Variants in NREP observed in about 807,000 individuals in gnomAD.
NREP encodes the protein neuronal regeneration-related protein.
NREP carries 5 observed loss-of-function variants against 8.6 expected under a neutral mutation model. That is an observed-to-expected ratio of 0.58 (90% confidence interval 0.30 to 1.22). NREP has a LOEUF of 1.22. Among genes scored for constraint, NREP ranks in the 50% most tolerant of loss-of-function variants. The pLI, the probability that NREP is intolerant of heterozygous loss-of-function variation, is 0.07. For missense variants in NREP, 86 were observed against 82.5 expected, an observed-to-expected ratio of 1.04 and a Z score of -0.17; for synonymous variants, 27 against 28.0, an observed-to-expected ratio of 0.96 and a Z score of 0.11.
In NREP at chr5:111,834,312, G is replaced by A. The variant is rs144768549; in HGVS notation, c.136-98805C>T. 2.0e-5 allele frequency among the ~76,000 whole-genome samples: 3 copies of A among 152,280 alleles called. No individual in the cohort carries two copies. In the East Asian group the frequency reaches 5.8e-4, roughly 29 times the overall value. On this transcript the variant is annotated intron_variant, in intron 2 of 3. Coordinates refer to the NREP transcript ENST00000395634. Reference sequence around the variant, plus strand: ...TAACAGCTACCCTATGGCAACTAGGGAGATTCATTATCAAATACCATGGCT... The same window carrying A: ...TAACAGCTACCCTATGGCAACTAGGAAGATTCATTATCAAATACCATGGCT...
At chr5:111,799,100 G>A (rs141344917) in intron 2 of NREP, among the ~76,000 whole-genome samples, 6,532 of 152,130 alleles carry the variant, frequency 0.043, 179 homozygotes, top group Middle Eastern at 0.11. Context: ...TTATTTCTGC[G>A]TTCTCTATTC....
intron 2 of NREP, among the ~76,000 whole-genome samples, chr5:111,868,111 A>G (rs1753708816): frequency 6.6e-6 from 1 of 152,136 alleles, no homozygotes. Flanking sequence ...TGGAAACACT[A>G]ACTCAAAGAC....
intron 2 of NREP, among the ~76,000 whole-genome samples, chr5:111,743,854 C>A (rs937539176): frequency 6.6e-6 from 1 of 152,102 alleles, no homozygotes; most frequent in Non-Finnish European, 1.5e-5. Flanking sequence ...ACCAAGAATG[C>A]TATGTTTTCT....
chr5:111,812,531 C>G (rs1226051561), intron 2 of NREP, among the ~76,000 whole-genome samples: 2 of 152,114 alleles, frequency 1.3e-5, no homozygotes, highest in Non-Finnish European at 2.9e-5. Flanking sequence ...AGATTCAGTT[C>G]TACATTATAG....
At chr5:111,856,708 A>G (rs1288079880) in intron 2 of NREP, among the ~76,000 whole-genome samples, 1 of 151,926 alleles carries the variant, frequency 6.6e-6, no homozygotes, top group African/African-American at 2.4e-5. Flanking sequence ...GGGCATTCAA[A>G]TTTGCCTATT....
chr5:111,927,345 G>A (rs922575267), intron 2 of NREP, among the ~76,000 whole-genome samples: 9 of 152,104 alleles, frequency 5.9e-5, no homozygotes, highest in African/African-American at 2.2e-4. Flanking sequence ...CAAACCACAT[G>A]ATAAGCAATC....
chr5:111,738,252 G>A (rs1158165822), intron 2 of NREP: 3 of 152,144 alleles, frequency 2.0e-5, no homozygotes, highest in Non-Finnish European at 4.4e-5. Context: ...AAGAGCTTAA[G>A]AGAAAAGATC....
At chr5:111,900,488 TAA>T (rs1182212516) in intron 2 of NREP, among the ~76,000 whole-genome samples, 2 of 151,472 alleles carry the variant, frequency 1.3e-5, no homozygotes, top group African/African-American at 2.4e-5. Context: ...AGTTTTTTTT[TAA>T]AAAAGGATAA....
intron 2 of NREP, among the ~76,000 whole-genome samples, chr5:111,736,794 T>C (rs564351563): frequency 6.6e-6 from 1 of 152,322 alleles, no homozygotes; most frequent in South Asian, 2.1e-4. Flanking sequence ...ATTGGTCTTA[T>C]CATTAAACAA....
chr5:111,757,265 G>A, upstream of NREP: 1 of 373,526 alleles, frequency 2.7e-6, no homozygotes, highest in Non-Finnish European at 3.7e-6. Context: ...GGAGGGGGAG[G>A]GGAAAGGGGT....
chr5:111,862,651 CT>C (rs1753575621), intron 2 of NREP, among the ~76,000 whole-genome samples: 1 of 151,972 alleles, frequency 6.6e-6, no homozygotes, highest in African/African-American at 2.4e-5. Flanking sequence ...TATCCTTCAA[CT>C]TTTATCACGT....
chr5:111,754,733 G>C (rs1167776669), intron 2 of NREP, among the ~76,000 whole-genome samples: 1 of 152,076 alleles, frequency 6.6e-6, no homozygotes, highest in Non-Finnish European at 1.5e-5. Context: ...GACAAGTGAC[G>C]CATACATAAA....
At chr5:111,769,953 C>T (rs1751179135) in intron 2 of NREP, among the ~76,000 whole-genome samples, 1 of 152,156 alleles carries the variant, frequency 6.6e-6, no homozygotes, top group Non-Finnish European at 1.5e-5. Context: ...GTATTCCTAT[C>T]AGAGGCAGAA....
At chr5:111,872,541 C>T (rs891739964) in intron 2 of NREP, among the ~76,000 whole-genome samples, 6 of 152,080 alleles carry the variant, frequency 3.9e-5, no homozygotes, top group East Asian at 1.9e-4. Context: ...GTCCGATGTC[C>T]GGCCACTATT....
chr5:111,847,810 A>T (rs1753218648), intron 2 of NREP, among the ~76,000 whole-genome samples: 1 of 152,214 alleles, frequency 6.6e-6, no homozygotes, highest in Non-Finnish European at 1.5e-5. Context: ...ACTATATACA[A>T]ATATAATTCA....
chr5:111,923,575 T>A (rs2112584646), intron 2 of NREP, among the ~76,000 whole-genome samples: 2 of 152,298 alleles, frequency 1.3e-5, no homozygotes, highest in East Asian at 3.9e-4. Context: ...TCTGCCACAT[T>A]ATGTGGGGTA....
chr5:111,859,230 C>A (rs904427878), intron 2 of NREP, among the ~76,000 whole-genome samples: 2 of 152,060 alleles, frequency 1.3e-5, no homozygotes, highest in Non-Finnish European at 2.9e-5. Flanking sequence ...TCATTCTGAA[C>A]AAAGATTGTT....
intron 2 of NREP, among the ~76,000 whole-genome samples, chr5:111,858,123 G>C (rs1468875654): frequency 6.6e-6 from 1 of 152,106 alleles, no homozygotes; most frequent in Non-Finnish European, 1.5e-5. Flanking sequence ...CCGGGAACTT[G>C]ATAGAAATGC....
chr5:111,782,153 T>C (rs535889250), intron 2 of NREP, among the ~76,000 whole-genome samples: 1 of 152,322 alleles, frequency 6.6e-6, no homozygotes, highest in Admixed American at 6.5e-5. Flanking sequence ...CTGTGATTAT[T>C]GTAGTACTCC....
Sources: gnomAD v4.1 joint callset for allele counts (sites outside exome capture counted in the v4.1 genomes callset) on GRCh38, gnomAD v4.1.1 for gene constraint, MANE v1.5 for transcripts, NCBI Gene and HGNC (gene_info 2026-07-23, HGNC 2026-07-21) for gene names.